Variants in IL1R1 observed in about 807,000 individuals in gnomAD.
The protein encoded by IL1R1 is interleukin 1 receptor type 1, also known as interleukin-1 receptor type 1.
A neutral mutation model predicts 50.2 loss-of-function variants in IL1R1; 22 were observed. That is an observed-to-expected ratio of 0.44 (90% CI 0.31 to 0.63). IL1R1 has a LOEUF of 0.63. Among genes scored for constraint, IL1R1 ranks in the 20% least tolerant of loss-of-function variants. The pLI is 0.07. For missense variants in IL1R1, 509 were observed against 676.2 expected, an observed-to-expected ratio of 0.75 and a Z score of 2.74; for synonymous variants, 251 against 236.7, an observed-to-expected ratio of 1.06 and a Z score of -0.55.
At chr2:102,104,955 G>C (rs1423009092) in intron 1 of IL1R1, 2 of 152,024 alleles carry the variant, frequency 1.3e-5, no homozygotes, top group Non-Finnish European at 2.9e-5. Flanking sequence ...ACATTAATGA[G>C]GTATTTAGGA....
intron 1 of IL1R1, among the ~76,000 whole-genome samples, chr2:102,109,878 G>T (rs545820717): frequency 1.1e-4 from 17 of 152,124 alleles, no homozygotes; most frequent in Non-Finnish European, 1.9e-4. Context: ...GGGCGGCTTC[G>T]TTTCTCCTGG....
At chr2:102,164,725 C>A in intron 3 of IL1R1, 49 bp from the exon 4 acceptor site, 1 of 1,234,738 alleles carries the variant, frequency 8.1e-7, no homozygotes, top group Non-Finnish European at 1.2e-6. Context: ...AATCAAGACA[C>A]ACTGGCAGAT....
At chr2:102,098,678 G>A (rs1680007242) in intron 1 of IL1R1, among the ~76,000 whole-genome samples, 1 of 152,108 alleles carries the variant, frequency 6.6e-6, no homozygotes, top group South Asian at 2.1e-4. Context: ...AGATTACAAA[G>A]ATGTATGTAC....
At chr2:102,127,620 T>G (rs765487906) in intron 1 of IL1R1, among the ~76,000 whole-genome samples, 1 of 151,462 alleles carries the variant, frequency 6.6e-6, no homozygotes, top group Non-Finnish European at 1.5e-5. Context: ...GAAACCCCAG[T>G]AGGGACTTCA....
intron 1 of IL1R1, among the ~76,000 whole-genome samples, chr2:102,092,604 CG>C (rs996931390): frequency 2.0e-5 from 3 of 152,042 alleles, no homozygotes; most frequent in African/African-American, 7.2e-5. Flanking sequence ...AAATAACACT[CG>C]GGCCTGTTCT....
chr2:102,157,856 C>G, intron 3 of IL1R1, 71 bp downstream of exon 3: 3 of 988,800 alleles, frequency 3.0e-6, no homozygotes, highest in Non-Finnish European at 4.8e-6. Flanking sequence ...GAAGTACCTT[C>G]CCTAACAGAG....
At chr2:102,115,136 A>C (rs1007027) in intron 1 of IL1R1, among the ~76,000 whole-genome samples, 47,625 of 152,072 alleles carry the variant, frequency 0.31, 8,140 homozygotes, top group Non-Finnish European at 0.38. Flanking sequence ...TGTGATGGGA[A>C]TGCATGCAGC....
At chr2:102,174,773 G>A in intron 10 of IL1R1, 43 bp downstream of exon 10, 2 of 1,516,458 alleles carry the variant, frequency 1.3e-6, no homozygotes, top group Non-Finnish European at 8.9e-7. Flanking sequence ...TTGGAGATAA[G>A]GGATAGTTAG....
intron 1 of IL1R1, among the ~76,000 whole-genome samples, chr2:102,092,123 AC>A (rs779268718): frequency 1.3e-5 from 2 of 151,974 alleles, no homozygotes; most frequent in Admixed American, 1.3e-4. Context: ...TTTGTTTGAG[AC>A]CCCCCTCAAG....
intron 1 of IL1R1, among the ~76,000 whole-genome samples, chr2:102,089,247 A>C (rs1421817794): frequency 6.6e-6 from 1 of 152,142 alleles, no homozygotes; most frequent in Non-Finnish European, 1.5e-5. Context: ...CTCTTCTTTG[A>C]ATGCTTAGAG....
chr2:102,080,598 C>G (rs1473827880), intron 1 of IL1R1, among the ~76,000 whole-genome samples: 1 of 152,150 alleles, frequency 6.6e-6, no homozygotes, highest in Non-Finnish European at 1.5e-5. Context: ...GAAACTGGTA[C>G]ACTCATTTAT....
chr2:102,174,438 G>A (rs1685938961), intron 9 of IL1R1, 149 bp from the exon 10 acceptor site: 1 of 564,004 alleles, frequency 1.8e-6, no homozygotes, highest in South Asian at 2.5e-5. Flanking sequence ...ATTACAAAGT[G>A]ATAATAATGA....
At chr2:102,097,507 A>G (rs6711819) in intron 1 of IL1R1, among the ~76,000 whole-genome samples, 4,459 of 152,258 alleles carry the variant, frequency 0.029, 220 homozygotes, top group African/African-American at 0.099. Flanking sequence ...TCCCTCATCT[A>G]GAAATATTGA....
At chr2:102,169,535 A>G (rs1685492829) in intron 7 of IL1R1, among the ~76,000 whole-genome samples, 1 of 152,254 alleles carries the variant, frequency 6.6e-6, no homozygotes, top group South Asian at 2.1e-4. Context: ...CCACTGATCA[A>G]GAGAGAAAAA....
chr2:102,100,578 A>G (rs190507694), upstream of IL1R1, among the ~76,000 whole-genome samples: 29 of 152,348 alleles, frequency 1.9e-4, no homozygotes, highest in Non-Finnish European at 4.0e-4. Context: ...TAATCTCACC[A>G]TCTAACAACC....
At chr2:102,172,369 A>G (rs1183798968) in intron 8 of IL1R1, 17 of 985,174 alleles carry the variant, frequency 1.7e-5, no homozygotes, top group Non-Finnish European at 1.8e-5. Context: ...GCACTTTGTC[A>G]TCTGCCCCAA....
intron 1 of IL1R1, among the ~76,000 whole-genome samples, chr2:102,116,440 A>C (rs1402573773): frequency 6.6e-6 from 1 of 152,252 alleles, no homozygotes. Context: ...ATAAAATTTA[A>C]GGGGAAGTGA....
intron 7 of IL1R1, among the ~76,000 whole-genome samples, chr2:102,169,925 G>GC (rs1685528046): frequency 1.3e-5 from 2 of 151,976 alleles, no homozygotes; most frequent in South Asian, 4.1e-4. Context: ...ATATACTGTG[G>GC]CCCTTTGGAG....
chr2:102,090,451 T>C (rs1384570015), intron 1 of IL1R1, among the ~76,000 whole-genome samples: 1 of 152,220 alleles, frequency 6.6e-6, no homozygotes, highest in Non-Finnish European at 1.5e-5. Context: ...ATACATATGT[T>C]AGACTTCTTG....
Sources: allele counts gnomAD v4.1 joint callset (sites outside exome capture counted in the v4.1 genomes callset), GRCh38; gene constraint gnomAD v4.1.1; transcripts MANE v1.5; gene names NCBI Gene and HGNC (gene_info 2026-07-23, HGNC 2026-07-21).